Variants in SLC2A10 observed in about 807,000 individuals in gnomAD.
SLC2A10 encodes solute carrier family 2 member 10.
A neutral mutation model predicts 32.1 loss-of-function variants in SLC2A10; 25 were observed. That is an observed-to-expected ratio of 0.78 (90% CI 0.57 to 1.09). The LOEUF (loss-of-function observed/expected upper bound fraction) is 1.09, where lower values mean the gene tolerates loss of function less well. Ranked by LOEUF, SLC2A10 falls within the 50% of genes least tolerant of loss-of-function variation. The pLI, the probability that SLC2A10 is intolerant of heterozygous loss-of-function variation, is 0.00. For synonymous variants in SLC2A10, 332 were observed against 309.6 expected, an observed-to-expected ratio of 1.07 and a Z score of -0.76; for missense variants, 673 against 686.5, an observed-to-expected ratio of 0.98 and a Z score of 0.22.
At position 46,731,281 on chromosome 20, in the gene SLC2A10, G is replaced by A. The variant is rs1288133232; in HGVS notation, c.1547+1793G>A. ...CCCCACATACCTGCCAGAGGATGGG[G>A]GAGGGGAAGGGGTGGGCACAGTCCT... On this transcript the variant is annotated intron_variant, in intron 4 of 4. Transcript: ENST00000359271. Among the ~76,000 whole-genome samples the A allele has an allele frequency of 2.0e-5, 3 of 152,180 alleles. No individual in the cohort carries two copies. In the East Asian group the frequency reaches 5.8e-4, roughly 29 times the overall value.
In SLC2A10 at chr20:46,709,687, G is replaced by T. The variant is rs1210299476; in HGVS notation, c.-50G>T. 5 of 1,534,852 alleles carry T rather than the reference G, an allele frequency of 3.3e-6. No homozygotes were observed. The Admixed American group carries it at 8.0e-5, about 24-fold the overall frequency. ...GGCGTTGGGGACTCCGGCGGGGGAT[G>T]CGCGCCCGGCCCCTCAGCGCCCCCA... On this transcript the variant is annotated 5_prime_UTR_variant, in exon 1 of 5. An upstream start codon of the reference 5' UTR is lost. Transcript: ENST00000359271.
At chr20:46,721,679 T>C (rs1009830692) in intron 1 of SLC2A10, among the ~76,000 whole-genome samples, 1 of 152,234 alleles carries the variant, frequency 6.6e-6, no homozygotes, top group African/African-American at 2.4e-5. Context: ...TTTCTTGTTA[T>C]CTTTTGGCTC....
At chr20:46,720,165 C>T (rs928820390) in intron 1 of SLC2A10, among the ~76,000 whole-genome samples, 1 of 152,164 alleles carries the variant, frequency 6.6e-6, no homozygotes, top group Admixed American at 6.5e-5. Flanking sequence ...TACCTTGGTT[C>T]AAGTGCAGCT....
Position 46,725,840 on chromosome 20 carries a change from A to C in SLC2A10, c.804A>C (p.Ser268=). 1 of 1,614,204 alleles carries C rather than the reference A, an allele frequency of 6.2e-7. No individual in the cohort carries two copies. The highest frequency in any genetic ancestry group is 1.1e-5 in the South Asian group (1 of 91,084). The change falls in exon 2 of 5, where the codon TCA becomes TCC. Residue 268 remains serine, a synonymous_variant. Coordinates refer to ENST00000359271, the MANE Select transcript of SLC2A10 (RefSeq NM_030777.4). ...FSSVGFHGGS[S]AVLASVGLGA... is the part of the protein sequence containing the mutation. ...CCGTTGGTTTCCATGGGGGATCCTCAGCCGTGCTGGCCTCTGTGGGGCTTG... is the reference window on the plus strand; with the variant it reads ...CCGTTGGTTTCCATGGGGGATCCTCCGCCGTGCTGGCCTCTGTGGGGCTTG...
At position 46,734,585 on chromosome 20, in the gene SLC2A10, C is replaced by G. The variant is rs750624767; in HGVS notation, c.*751C>G. On this transcript the variant is annotated 3_prime_UTR_variant, in exon 5 of 5. Transcript: ENST00000359271. ...GACTCTTTTATCTGAGTTTTATTGA[C>G]CCCTCTAATTCTCTTACCCAGAATA... The G allele has an allele frequency of 6.6e-6, 1 of 152,414 alleles. No individual in the cohort carries two copies. The highest frequency in any genetic ancestry group is 1.5e-5 in the Non-Finnish European group (1 of 68,262). The allele number at this position is 152,414 out of a possible 1,614,324, so 9.4% of individuals were successfully genotyped here.
At position 46,726,190 on chromosome 20, in the gene SLC2A10, C is replaced by A; in HGVS notation, c.1154C>A (p.Ala385Asp). 1.2e-6 allele frequency: 2 copies of A among 1,614,232 alleles called. No homozygotes were observed. Among genetic ancestry groups the A allele is most frequent in the South Asian group, 1.1e-5 (1 of 91,090 alleles). ...CATCCCAGATCTGGAGACCCCTCAG[C>A]CCCTCCTCGGCTGGCCCTGAGCTCT... is the stretch of plus-strand genomic sequence containing the variant. ...KPHPRSGDPS[A>D]PPRLALSSAL... The change falls in exon 2 of 5, where the codon GCC becomes GAC. Residue 385 changes from alanine to aspartate, a missense_variant. Ala to Asp is a moderately radical substitution (Grantham distance 126). Transcript: ENST00000359271.
At chr20:46,731,040 G>A (rs1368296746) in intron 4 of SLC2A10, among the ~76,000 whole-genome samples, 2 of 152,194 alleles carry the variant, frequency 1.3e-5, no homozygotes, top group African/African-American at 4.8e-5. Flanking sequence ...TTTGTTGAGT[G>A]GAACCTTCTG....
Position 46,729,468 on chromosome 20 carries a change from C to G in SLC2A10, c.1527C>G (p.Asp509Glu). 1 of 1,614,000 alleles carries G rather than the reference C, an allele frequency of 6.2e-7. No individual in the cohort carries two copies. ...ETKGQSLAEIDQQFQKRRFTL... is the reference protein window; with the variant it reads ...ETKGQSLAEIEQQFQKRRFTL... ...AAGGCCAGTCGTTGGCAGAGATAGA[C>G]CAGCAGTTCCAGAAGAGACGGTAGG... Residue 509 changes from aspartate to glutamate, a missense_variant, in exon 4 of 5, where the codon GAC (aspartate) becomes GAG (glutamate). Physicochemically the swap from Asp to Glu is conservative, Grantham distance 45. Transcript: ENST00000359271.
At chr20:46,729,230 A>T in intron 3 of SLC2A10, 123 bp from the exon 4 acceptor site, 1 of 1,218,974 alleles carries the variant, frequency 8.2e-7, no homozygotes, top group Non-Finnish European at 1.2e-6. Context: ...CAAATTGACC[A>T]ACGGGAACAT....
At position 46,734,043 on chromosome 20, in the gene SLC2A10, G is replaced by A. The variant is rs1229695330; in HGVS notation, c.*209G>A. 6.4e-6 allele frequency: 4 copies of A among 626,086 alleles called. No homozygotes were observed. Among genetic ancestry groups the A allele is most frequent in the East Asian group, 2.8e-5 (1 of 35,880 alleles). 38.8% of individuals were successfully genotyped at this position (626,086 alleles called of 1,614,324 possible). On this transcript the variant is annotated 3_prime_UTR_variant, in exon 5 of 5. Transcript: ENST00000359271. ...TGAGTCTCAGGCCCTGAAGGTTCCT[G>A]AGGATCTAGCTTCATGCCTCAGTTT...
At position 46,729,492 on chromosome 20, in the gene SLC2A10, G is replaced by A; in HGVS notation, c.1547+4G>A. On this transcript the variant is annotated splice_donor_region_variant and intron_variant, in intron 4 of 4. Coordinates refer to ENST00000359271, the MANE Select transcript of SLC2A10 (RefSeq NM_030777.4). ...ACCAGCAGTTCCAGAAGAGACGGTA[G>A]GAAGCTGACAGGGTGGGTCTGGGGG... 6.2e-7 allele frequency: 1 copy of A among 1,614,144 alleles called. No individual in the cohort carries two copies. The highest frequency in any genetic ancestry group is 8.5e-7 in the Non-Finnish European group (1 of 1,180,008).
At chr20:46,709,542 G>A, upstream of SLC2A10, 2 of 619,892 alleles carry the variant, frequency 3.2e-6, no homozygotes, top group South Asian at 5.6e-5. Context: ...GCTCCCCTCC[G>A]TCCCGCCTCC....
At chr20:46,727,445 C>T (rs866724865) in intron 3 of SLC2A10, among the ~76,000 whole-genome samples, 5 of 152,234 alleles carry the variant, frequency 3.3e-5, no homozygotes, top group African/African-American at 4.8e-5. Flanking sequence ...CTCAGTCTCC[C>T]GAGTAGCTGG....
chr20:46,714,740 C>A (rs1979131178), intron 1 of SLC2A10: 1 of 152,476 alleles, frequency 6.6e-6, no homozygotes, highest in African/African-American at 2.4e-5. Flanking sequence ...CCTTGCCTGT[C>A]ATGCTAAGGT....
chr20:46,721,043 C>CGGAGA (rs1979523002), intron 1 of SLC2A10, among the ~76,000 whole-genome samples: 1 of 152,146 alleles, frequency 6.6e-6, no homozygotes, highest in Non-Finnish European at 1.5e-5. Flanking sequence ...CACAGTTTTT[C>CGGAGA]CATGTGACAG....
intron 3 of SLC2A10, among the ~76,000 whole-genome samples, chr20:46,729,140 C>T (rs896559365): frequency 2.6e-5 from 4 of 152,188 alleles, no homozygotes; most frequent in East Asian, 1.9e-4. Flanking sequence ...GGACTTGCGT[C>T]CTGGCTCATC....
At chr20:46,727,475 C>T (rs1980041939) in intron 3 of SLC2A10, among the ~76,000 whole-genome samples, 1 of 152,136 alleles carries the variant, frequency 6.6e-6, no homozygotes, top group Admixed American at 6.5e-5. Flanking sequence ...CACCCGCCAC[C>T]ACGCCCGGCT....
upstream of SLC2A10, chr20:46,709,614 A>C (rs1338052952): frequency 5.5e-6 from 7 of 1,273,042 alleles, no homozygotes; most frequent in Non-Finnish European, 6.4e-6. Context: ...AGGGCAGGGC[A>C]GGAGGGACAG....
rs776815492 is a variant in SLC2A10, at chr20:46,726,332, G to A, written c.1288+8G>A. 7 of 1,605,710 alleles carry A rather than the reference G, an allele frequency of 4.4e-6. No individual in the cohort carries two copies. Among genetic ancestry groups the A allele is most frequent in the Non-Finnish European group, 5.9e-6 (7 of 1,179,974 alleles). ...CCTTTGGGTTTGGGCCAGGTAAGTG[G>A]AGTTTTCTTGCAGGTGACTCTGGAG... On this transcript the variant is annotated splice_region_variant and intron_variant, in intron 2 of 4. Coordinates refer to ENST00000359271, the MANE Select transcript of SLC2A10 (RefSeq NM_030777.4).
Sources: gnomAD v4.1 joint callset for allele counts (sites outside exome capture counted in the v4.1 genomes callset) on GRCh38, gnomAD v4.1.1 for gene constraint, MANE v1.5 for transcripts, NCBI Gene and HGNC (gene_info 2026-07-23, HGNC 2026-07-21) for gene names.